Variants in LINGO2 observed in about 807,000 individuals in gnomAD.
The protein encoded by LINGO2 is leucine rich repeat and Ig domain containing 2, also known as leucine-rich repeat and immunoglobulin-like domain-containing nogo receptor-interacting protein 2.
Under a neutral mutation model 30.6 loss-of-function variants are expected in LINGO2, and 14 were observed. The observed-to-expected ratio is 0.46, with a 90% CI of 0.30 to 0.72. The LOEUF (loss-of-function observed/expected upper bound fraction) is 0.72. Ranked by LOEUF, LINGO2 falls within the 30% of genes least tolerant of loss-of-function variation. LINGO2 has a pLI of 0.07. For missense variants in LINGO2, 729 were observed against 751.7 expected (o/e 0.97, Z 0.35); for synonymous variants, 317 against 288.5 (o/e 1.10, Z -1.00).
the LINGO2 span, among the ~76,000 whole-genome samples, chr9:29,158,146 G>C: frequency 2.0e-5 from 3 of 150,484 alleles, no homozygotes; most frequent in African/African-American, 7.4e-5. Context: ...TTCAAGACCA[G>C]CCAGGGCAAC....
chr9:28,138,804 A>C (rs1019383322), intron 4 of LINGO2, among the ~76,000 whole-genome samples: 1 of 152,216 alleles, frequency 6.6e-6, no homozygotes, highest in African/African-American at 2.4e-5. Flanking sequence ...ACGACTATAC[A>C]TCAAGTATGT....
At chr9:28,089,690 C>T (rs934151455) in intron 4 of LINGO2, among the ~76,000 whole-genome samples, 2 of 151,952 alleles carry the variant, frequency 1.3e-5, no homozygotes, top group Non-Finnish European at 2.9e-5. Context: ...CAAAAGCTAG[C>T]AGAAGGCAAG....
chr9:28,970,831 G>A, the LINGO2 span, among the ~76,000 whole-genome samples: 2 of 152,142 alleles, frequency 1.3e-5, no homozygotes, highest in African/African-American at 4.8e-5. Context: ...TTTTACAGGA[G>A]TCCTAGTGAT....
chr9:28,450,084 T>C (rs148353414), intron 2 of LINGO2, among the ~76,000 whole-genome samples: 1 of 152,122 alleles, frequency 6.6e-6, no homozygotes, highest in African/African-American at 2.4e-5. Context: ...GGATTGAATT[T>C]CCCGGTATGC....
chr9:28,346,830 G>T (rs930309278), intron 3 of LINGO2, among the ~76,000 whole-genome samples: 2 of 151,380 alleles, frequency 1.3e-5, no homozygotes, highest in Non-Finnish European at 2.9e-5. Flanking sequence ...CCACATGTAT[G>T]CCTTCTTAGA....
the LINGO2 span, among the ~76,000 whole-genome samples, chr9:28,682,143 A>G: frequency 1.4e-4 from 22 of 152,120 alleles, no homozygotes; most frequent in Admixed American, 5.2e-4. Context: ...CTGATTCTTG[A>G]TCCTATATGC....
chr9:28,574,009 C>G lies in LINGO2; in HGVS notation c.-365+96191G>C, dbSNP rs574547794. 1.6e-4 allele frequency among the ~76,000 whole-genome samples: 25 copies of G among 152,236 alleles called. No individual in the cohort carries two copies. The South Asian group carries it at 5.0e-3, about 30-fold the overall frequency. ...AAAAAATGACAATATAAAAATTAAA[C>G]TGGCTATCTTCACATTAACAATGGC... On this transcript the variant is annotated intron_variant, in intron 1 of 5. Transcript: ENST00000379992.
the LINGO2 span, among the ~76,000 whole-genome samples, chr9:28,909,942 G>C: frequency 1.3e-5 from 2 of 152,114 alleles, no homozygotes; most frequent in Non-Finnish European, 2.9e-5. Context: ...AAATAATACA[G>C]AAACAATTGC....
intron 4 of LINGO2, among the ~76,000 whole-genome samples, chr9:28,210,996 C>A (rs1231031054): frequency 6.6e-6 from 1 of 151,376 alleles, no homozygotes; most frequent in Non-Finnish European, 1.5e-5. Flanking sequence ...GAAGATTCCT[C>A]CCCAAGCATT....
intron 2 of LINGO2, among the ~76,000 whole-genome samples, chr9:28,408,732 C>T (rs1223115929): frequency 6.8e-6 from 1 of 147,626 alleles, no homozygotes; most frequent in African/African-American, 2.5e-5. Flanking sequence ...AACAAACCTG[C>T]ACGTTTTGCA....
chr9:29,044,626 T>A, the LINGO2 span, among the ~76,000 whole-genome samples: 5 of 152,064 alleles, frequency 3.3e-5, no homozygotes, highest in Non-Finnish European at 5.9e-5. Flanking sequence ...CTCAAAAATA[T>A]ATTTGAATGA....
chr9:28,878,855 A>G, the LINGO2 span, among the ~76,000 whole-genome samples: 3 of 152,184 alleles, frequency 2.0e-5, no homozygotes, highest in African/African-American at 7.2e-5. Context: ...AATAAGGGCT[A>G]TCTATGACAA....
At chr9:29,027,863 G>T in the LINGO2 span, among the ~76,000 whole-genome samples, 1 of 152,074 alleles carries the variant, frequency 6.6e-6, no homozygotes, top group African/African-American at 2.4e-5. Context: ...CTAAATCATG[G>T]TAATTATTGG....
the LINGO2 span, among the ~76,000 whole-genome samples, chr9:29,036,869 T>C: frequency 2.1e-4 from 32 of 152,068 alleles, no homozygotes; most frequent in African/African-American, 6.0e-4. Flanking sequence ...TAAAGGCTCA[T>C]TGAAAAAGGA....
chr9:28,300,809 T>G (rs1386649834), intron 3 of LINGO2, among the ~76,000 whole-genome samples: 3 of 151,548 alleles, frequency 2.0e-5, no homozygotes, highest in Non-Finnish European at 4.4e-5. Context: ...TTGCTCATAG[T>G]CTAGTAGTGT....
chr9:29,028,843 T>C, the LINGO2 span, among the ~76,000 whole-genome samples: 1 of 152,300 alleles, frequency 6.6e-6, no homozygotes, highest in African/African-American at 2.4e-5. Flanking sequence ...GATGGATAAG[T>C]GAGCCAGCTC....
intron 5 of LINGO2, among the ~76,000 whole-genome samples, chr9:27,956,089 C>T (rs984709065): frequency 6.6e-6 from 1 of 151,894 alleles, no homozygotes; most frequent in South Asian, 2.1e-4. Context: ...ACAAGGCGTG[C>T]GCCACCATGC....
At chr9:28,887,163 C>A in the LINGO2 span, among the ~76,000 whole-genome samples, 2 of 152,098 alleles carry the variant, frequency 1.3e-5, no homozygotes, top group African/African-American at 2.4e-5. Context: ...TTTCTAACCC[C>A]AGACTCTGGC....
chr9:28,623,149 C>A (rs551464452), intron 1 of LINGO2, among the ~76,000 whole-genome samples: 5 of 151,806 alleles, frequency 3.3e-5, no homozygotes, highest in African/African-American at 1.2e-4. Context: ...GCTGTCTCTT[C>A]ACTTTGTTGA....
Sources: gnomAD v4.1 joint callset for allele counts (sites outside exome capture counted in the v4.1 genomes callset) on GRCh38, gnomAD v4.1.1 for gene constraint, MANE v1.5 for transcripts, NCBI Gene and HGNC (gene_info 2026-07-23, HGNC 2026-07-21) for gene names.